The following ROBO1 variants were observed in gnomAD, a reference collection of about 807,000 sequenced individuals.
ROBO1 encodes the protein roundabout homolog 1.
Under a neutral mutation model 195.9 loss-of-function variants are expected in ROBO1, and 149 were observed. That is an observed-to-expected ratio of 0.76 (90% CI 0.67 to 0.87). ROBO1 has a LOEUF of 0.87. Among genes scored for constraint, ROBO1 ranks in the 40% least tolerant of loss-of-function variants. The probability of loss-of-function intolerance (pLI) is 0.00; values close to 1 mark genes in which losing one functional copy is unlikely to be tolerated. For missense variants in ROBO1, 1,933 were observed against 2,068.3 expected, an observed-to-expected ratio of 0.93 and a Z score of 1.27; for synonymous variants, 816 against 733.2, an observed-to-expected ratio of 1.11 and a Z score of -1.82.
chr3:78,879,328 G>T (rs1437746091), intron 4 of ROBO1, among the ~76,000 whole-genome samples: 1 of 152,040 alleles, frequency 6.6e-6, no homozygotes, highest in African/African-American at 2.4e-5. Flanking sequence ...GTGTGACAGG[G>T]AGCATGTGTA....
In ROBO1 at chr3:79,061,593, T is replaced by G. The variant is rs145365660; in HGVS notation, c.172+63863A>C. On this transcript the variant is annotated intron_variant, in intron 3 of 30. Transcript: ENST00000464233. ...AGCTGGAGACATCACACTACCTGAC[T>G]TCAAACTATACTGCATGGCTACAGT... is the stretch of plus-strand genomic sequence containing the variant. 4.0e-3 allele frequency among the ~76,000 whole-genome samples: 615 copies of G among 152,228 alleles called. 14 individuals are homozygous for G. The highest frequency in any genetic ancestry group is 0.026 in the Admixed American group (394 of 15,286).
At chr3:78,719,200 C>G (rs1380344270) in intron 5 of ROBO1, among the ~76,000 whole-genome samples, 1 of 152,122 alleles carries the variant, frequency 6.6e-6, no homozygotes, top group Non-Finnish European at 1.5e-5. Flanking sequence ...GTTCATCATT[C>G]TATCCCTCAT....
intron 2 of ROBO1, among the ~76,000 whole-genome samples, chr3:79,200,962 T>G (rs1049711515): frequency 1.3e-5 from 2 of 151,962 alleles, no homozygotes; most frequent in African/African-American, 4.8e-5. Context: ...CTAATGGTTC[T>G]GAATAGGTGA....
intron 2 of ROBO1, among the ~76,000 whole-genome samples, chr3:79,404,296 A>G (rs1025652385): frequency 6.6e-6 from 1 of 152,062 alleles, no homozygotes; most frequent in African/African-American, 2.4e-5. Context: ...CTTTTCCTTC[A>G]TCTGCTGCAG....
rs571182981 is a variant in ROBO1 at position 79,618,931 on chromosome 3, G to C, written c.-50-28970C>G. Among the ~76,000 whole-genome samples, 17 of 152,246 alleles carry C rather than the reference G, an allele frequency of 1.1e-4. No homozygotes were observed. The East Asian group carries it at 3.1e-3, about 28-fold the overall frequency. Reference sequence around the variant, plus strand: ...GAAAAAGGAGACACATTTTATCCGTGGACCCAAAACTCCAGCGCCAGTCAC... The same window carrying C: ...GAAAAAGGAGACACATTTTATCCGTCGACCCAAAACTCCAGCGCCAGTCAC... On this transcript the variant is annotated intron_variant, in intron 1 of 30. Coordinates refer to ENST00000464233, the MANE Select transcript of ROBO1 (RefSeq NM_002941.4).
chr3:79,252,476 G>T (rs2108913213), intron 2 of ROBO1, among the ~76,000 whole-genome samples: 1 of 152,264 alleles, frequency 6.6e-6, no homozygotes, highest in Admixed American at 6.5e-5. Flanking sequence ...GGCAAGAAAA[G>T]ATTCTTCTGG....
chr3:79,139,135 A>G (rs1455830954), intron 2 of ROBO1, among the ~76,000 whole-genome samples: 1 of 151,446 alleles, frequency 6.6e-6, no homozygotes, highest in African/African-American at 2.4e-5. Flanking sequence ...GAACATCAAT[A>G]ACATATATAT....
Position 78,757,095 on chromosome 3 carries a change from T to C in ROBO1, c.500-10195A>G, listed in dbSNP as rs140318292. ...TTAGTAGAGACAGGGTTTCGCAATG[T>C]TGGCCAGGCTGGTCTCAAACTCCTG... On this transcript the variant is annotated intron_variant, in intron 4 of 30. Coordinates refer to ENST00000464233, the MANE Select transcript of ROBO1 (RefSeq NM_002941.4). Among the ~76,000 whole-genome samples the C allele has an allele frequency of 2.5e-4, 38 of 152,260 alleles. No homozygotes were observed. In the East Asian group the frequency reaches 7.0e-3, roughly 28 times the overall value.
chr3:79,099,366 A>T (rs1293130169), intron 3 of ROBO1, among the ~76,000 whole-genome samples: 1 of 151,764 alleles, frequency 6.6e-6, no homozygotes, highest in Non-Finnish European at 1.5e-5. Context: ...AGATAAATTA[A>T]CAATTACTTG....
intron 2 of ROBO1, among the ~76,000 whole-genome samples, chr3:79,317,954 G>A (rs1487721368): frequency 6.6e-6 from 1 of 151,922 alleles, no homozygotes; most frequent in Non-Finnish European, 1.5e-5. Flanking sequence ...TAAGAAATTG[G>A]CTCATGTGGG....
chr3:78,774,691 A>C (rs2083462786), intron 4 of ROBO1, among the ~76,000 whole-genome samples: 1 of 152,212 alleles, frequency 6.6e-6, no homozygotes, highest in Admixed American at 6.5e-5. Context: ...TATATGTTAC[A>C]AAGCAAACAA....
chr3:79,557,506 G>A (rs1278911887), intron 2 of ROBO1, among the ~76,000 whole-genome samples: 7 of 151,734 alleles, frequency 4.6e-5, no homozygotes, highest in Non-Finnish European at 7.4e-5. Context: ...GGCTGAGGGG[G>A]GTGGATCACT....
At chr3:79,315,552 G>C (rs534130940) in intron 2 of ROBO1, among the ~76,000 whole-genome samples, 1 of 152,186 alleles carries the variant, frequency 6.6e-6, no homozygotes. Context: ...AGCAATAAAA[G>C]TGGGAATGAG....
intron 4 of ROBO1, among the ~76,000 whole-genome samples, chr3:78,785,426 T>C (rs1172041054): frequency 6.6e-6 from 1 of 152,202 alleles, no homozygotes; most frequent in Non-Finnish European, 1.5e-5. Context: ...CTATCATTTA[T>C]TATTTTACTG....
chr3:78,897,244 A>G (rs1206301526), intron 4 of ROBO1, among the ~76,000 whole-genome samples: 1 of 152,102 alleles, frequency 6.6e-6, no homozygotes, highest in South Asian at 2.1e-4. Context: ...CCACACCTCC[A>G]CTCAATTAGT....
chr3:79,585,397 T>C lies in ROBO1; in HGVS notation c.88+4427A>G, dbSNP rs111673574. On this transcript the variant is annotated intron_variant, in intron 2 of 30. Coordinates refer to ENST00000464233, the MANE Select transcript of ROBO1 (RefSeq NM_002941.4). ...ATTTAAAACCCACTGATCTGCTTAT[T>C]AGTTCAGTGGCTTTGTGTATTGAGC... Among the ~76,000 whole-genome samples, 1,464 of 152,110 alleles carry C rather than the reference T, an allele frequency of 9.6e-3. 14 individuals carry two copies. The highest frequency in any genetic ancestry group is 0.033 in the African/African-American group (1,375 of 41,542).
At chr3:79,426,911 G>GTTA (rs1388450192) in intron 2 of ROBO1, among the ~76,000 whole-genome samples, 8 of 152,064 alleles carry the variant, frequency 5.3e-5, no homozygotes, top group African/African-American at 1.7e-4. Flanking sequence ...ATTATTTATT[G>GTTA]TCTGTTAATT....
At position 79,125,448 on chromosome 3, in the gene ROBO1, C is replaced by T; in HGVS notation, c.172+8G>A. ...AGGAAGTTAGTATTTGGGAAAGAGACACTCTACCTGTATAGCCCAGCGAAT... is the reference window on the plus strand; with the variant it reads ...AGGAAGTTAGTATTTGGGAAAGAGATACTCTACCTGTATAGCCCAGCGAAT... On this transcript the variant is annotated splice_region_variant and intron_variant, in intron 3 of 30. Transcript: ENST00000464233. The T allele has an allele frequency of 1.2e-6, 2 of 1,611,886 alleles. No individual in the cohort carries two copies. Among genetic ancestry groups the T allele is most frequent in the South Asian group, 1.1e-5 (1 of 90,788 alleles).
chr3:78,742,891 C>T (rs2082566911), intron 5 of ROBO1, among the ~76,000 whole-genome samples: 1 of 152,042 alleles, frequency 6.6e-6, no homozygotes, highest in Non-Finnish European at 1.5e-5. Context: ...GACAGCATCC[C>T]CTTAGACAGC....
Sources: gnomAD v4.1 joint callset for allele counts (sites outside exome capture counted in the v4.1 genomes callset) on GRCh38, gnomAD v4.1.1 for gene constraint, MANE v1.5 for transcripts, NCBI Gene and HGNC (gene_info 2026-07-23, HGNC 2026-07-21) for gene names.